FSTL4: variants seen among roughly 807,000 people sequenced by gnomAD.
FSTL4 encodes the protein follistatin like 4.
FSTL4 carries 28 observed loss-of-function variants against 78.2 expected under a neutral mutation model. That is an observed-to-expected ratio of 0.36 (90% confidence interval 0.27 to 0.49). The LOEUF is 0.49. FSTL4 is among the 20% of genes least tolerant of loss of function. The pLI is 0.98. For missense variants in FSTL4, 922 were observed against 1,084.9 expected, an observed-to-expected ratio of 0.85 and a Z score of 2.11; for synonymous variants, 422 against 440.5, an observed-to-expected ratio of 0.96 and a Z score of 0.53.
the FSTL4 span, among the ~76,000 whole-genome samples, chr5:133,761,173 A>T: frequency 6.6e-6 from 1 of 152,220 alleles, no homozygotes; most frequent in Non-Finnish European, 1.5e-5. Flanking sequence ...ATATAATAAG[A>T]TCAAATAGAA....
chr5:133,325,392 A>T (rs1230293748), intron 4 of FSTL4, among the ~76,000 whole-genome samples: 1 of 152,132 alleles, frequency 6.6e-6, no homozygotes, highest in Non-Finnish European at 1.5e-5. Context: ...CAGCCCCATG[A>T]GTCTCCGGGG....
chr5:133,463,089 G>A (rs970273081), intron 3 of FSTL4, among the ~76,000 whole-genome samples: 1 of 152,224 alleles, frequency 6.6e-6, no homozygotes, highest in Non-Finnish European at 1.5e-5. Context: ...TGAAGCACCA[G>A]CAAGCAATCA....
chr5:133,562,130 C>T (rs947548481), intron 3 of FSTL4, among the ~76,000 whole-genome samples: 11 of 152,266 alleles, frequency 7.2e-5, no homozygotes, highest in Admixed American at 4.6e-4. Flanking sequence ...AAAAGACCCA[C>T]GGCTCCAGGC....
rs560363858 is a variant in FSTL4 at position 133,492,859 on chromosome 5, T to C, written c.160+74327A>G. On this transcript the variant is annotated intron_variant, in intron 3 of 15. Transcript: ENST00000265342. ...TTAACAATATTTCTTAATATTTCAATATCTTAATATTTTCTCTTAATATCT... is the reference window on the plus strand; with the variant it reads ...TTAACAATATTTCTTAATATTTCAACATCTTAATATTTTCTCTTAATATCT... Among the ~76,000 whole-genome samples the C allele has an allele frequency of 3.2e-4, 48 of 152,194 alleles. No homozygotes were observed. In the South Asian group the frequency reaches 7.0e-3, roughly 22 times the overall value.
intron 2 of FSTL4, among the ~76,000 whole-genome samples, chr5:133,598,245 C>T (rs1233011318): frequency 1.3e-5 from 2 of 152,060 alleles, no homozygotes; most frequent in Non-Finnish European, 2.9e-5. Flanking sequence ...AGGCAGGGGG[C>T]TCCTCTAAGG....
At chr5:133,383,673 G>A (rs931154859) in intron 4 of FSTL4, among the ~76,000 whole-genome samples, 3 of 152,186 alleles carry the variant, frequency 2.0e-5, no homozygotes, top group African/African-American at 7.2e-5. Context: ...ATTAAGAGGC[G>A]GGTCTCCTGC....
the FSTL4 span, among the ~76,000 whole-genome samples, chr5:133,777,238 A>G: frequency 6.6e-5 from 10 of 151,260 alleles, no homozygotes; most frequent in Admixed American, 6.6e-4. Flanking sequence ...TACAATAGAG[A>G]GTTTAAAACA....
At chr5:133,742,582 G>A in the FSTL4 span, among the ~76,000 whole-genome samples, 1 of 152,060 alleles carries the variant, frequency 6.6e-6, no homozygotes, top group East Asian at 1.9e-4. Flanking sequence ...ACGTATGTGG[G>A]TACCTGTTAT....
At chr5:133,356,219 G>A (rs1754942248) in intron 4 of FSTL4, among the ~76,000 whole-genome samples, 1 of 152,220 alleles carries the variant, frequency 6.6e-6, no homozygotes, top group Admixed American at 6.5e-5. Flanking sequence ...CACATACTGT[G>A]TGCCCACTGT....
At chr5:133,607,497 T>C (rs1230820297) in intron 1 of FSTL4, among the ~76,000 whole-genome samples, 2 of 152,074 alleles carry the variant, frequency 1.3e-5, no homozygotes, top group Non-Finnish European at 2.9e-5. Flanking sequence ...AAAGAGGAGA[T>C]GGGGTCACAG....
At chr5:133,342,929 T>G (rs1453058097) in intron 4 of FSTL4, among the ~76,000 whole-genome samples, 1 of 152,130 alleles carries the variant, frequency 6.6e-6, no homozygotes, top group East Asian at 1.9e-4. Context: ...TTCTGATTGC[T>G]CACGGATCCT....
Position 133,383,409 on chromosome 5 carries a change from C to T in FSTL4, c.409+17329G>A, listed in dbSNP as rs1392736517. Among the ~76,000 whole-genome samples, 6 of 152,140 alleles carry T rather than the reference C, an allele frequency of 3.9e-5. No homozygotes were observed. In the East Asian group the frequency reaches 7.7e-4, roughly 20 times the overall value. On this transcript the variant is annotated intron_variant, in intron 4 of 15. Coordinates refer to ENST00000265342, the MANE Select transcript of FSTL4 (RefSeq NM_015082.2). ...AGAGTCTCAGTGGTGGTGCTAGGGT[C>T]GGGGGAGAGGAGAGCCTTTCTGAAG...
chr5:133,596,087 G>C (rs1391598676), intron 2 of FSTL4, among the ~76,000 whole-genome samples: 1 of 152,252 alleles, frequency 6.6e-6, no homozygotes, highest in East Asian at 1.9e-4. Flanking sequence ...CTATGGTGGG[G>C]GAGGAGGACA....
At chr5:133,309,966 A>G (rs1299649335) in intron 6 of FSTL4, among the ~76,000 whole-genome samples, 1 of 152,250 alleles carries the variant, frequency 6.6e-6, no homozygotes, top group Non-Finnish European at 1.5e-5. Flanking sequence ...GGTTTTAGTG[A>G]GATTTCTTTA....
chr5:133,577,885 T>C (rs541275544), intron 2 of FSTL4, among the ~76,000 whole-genome samples: 1 of 152,268 alleles, frequency 6.6e-6, no homozygotes, highest in East Asian at 1.9e-4. Flanking sequence ...GGTGATAGCG[T>C]AAGACTCTGT....
chr5:133,465,152 A>C (rs993232815), intron 3 of FSTL4, among the ~76,000 whole-genome samples: 8 of 152,200 alleles, frequency 5.3e-5, no homozygotes, highest in African/African-American at 1.4e-4. Context: ...TATCTTTGCT[A>C]GTCCCTGAAA....
At chr5:133,523,979 G>A (rs1001472424) in intron 3 of FSTL4, among the ~76,000 whole-genome samples, 4 of 152,218 alleles carry the variant, frequency 2.6e-5, no homozygotes, top group Non-Finnish European at 4.4e-5. Flanking sequence ...GAAGACGGGT[G>A]TCCTTGTGAC....
At chr5:133,615,626 A>G (rs958872112), upstream of FSTL4, among the ~76,000 whole-genome samples, 2 of 152,232 alleles carry the variant, frequency 1.3e-5, no homozygotes, top group African/African-American at 4.8e-5. Context: ...CAGAGCTATG[A>G]TGTTGAAGTT....
chr5:133,755,522 T>C, the FSTL4 span, among the ~76,000 whole-genome samples: 1 of 152,128 alleles, frequency 6.6e-6, no homozygotes, highest in Non-Finnish European at 1.5e-5. Context: ...CTCCTCCCCC[T>C]GCCCACCACC....
Sources: allele counts gnomAD v4.1 joint callset (sites outside exome capture counted in the v4.1 genomes callset), GRCh38; gene constraint gnomAD v4.1.1; transcripts MANE v1.5; gene names NCBI Gene and HGNC (gene_info 2026-07-23, HGNC 2026-07-21).